Variants in APOBEC3D observed in about 807,000 individuals in gnomAD.
APOBEC3D encodes DNA dC->dU-editing enzyme APOBEC-3D.
APOBEC3D carries 37 observed loss-of-function variants against 45.6 expected under a neutral mutation model. The ratio of observed to expected loss-of-function variants is 0.81; its 90% CI spans 0.62 to 1.07. The LOEUF (loss-of-function observed/expected upper bound fraction) is 1.07. Ranked by LOEUF, APOBEC3D falls within the 50% of genes least tolerant of loss-of-function variation. The pLI is 0.00. For synonymous variants in APOBEC3D, 175 were observed against 180.7 expected, an observed-to-expected ratio of 0.97 and a Z score of 0.25; for missense variants, 496 against 495.3, an observed-to-expected ratio of 1.00 and a Z score of -0.01.
In APOBEC3D at chr22:39,021,445, C is replaced by T. The variant is rs1167628587; in HGVS notation, c.-75C>T. ...AGGAGGGCTGTCCAACTGCAAGGAG[C>T]CGCAAGCAGGAAGTGAAACCACAGC... On this transcript the variant is annotated 5_prime_UTR_variant, in exon 1 of 7. Coordinates refer to ENST00000216099, the MANE Select transcript of APOBEC3D (RefSeq NM_152426.4). 1 of 1,609,304 alleles carries T rather than the reference C, an allele frequency of 6.2e-7. No individual in the cohort carries two copies. Among genetic ancestry groups the T allele is most frequent in the Non-Finnish European group, 8.5e-7 (1 of 1,176,304 alleles).
intron 4 of APOBEC3D, 65 bp downstream of exon 4, chr22:39,025,736 TC>T (rs1569056801): frequency 2.5e-6 from 4 of 1,607,482 alleles, no homozygotes; most frequent in Non-Finnish European, 3.4e-6. Context: ...TCCTGAGGAC[TC>T]CCCTGGCTGG....
intron 2 of APOBEC3D, among the ~76,000 whole-genome samples, chr22:39,023,539 T>C (rs11704329): frequency 0.029 from 4,327 of 151,212 alleles, 115 homozygotes; most frequent in Non-Finnish European, 0.045. Context: ...TTCCGCCTCC[T>C]GGGTTCAAGC....
In APOBEC3D at chr22:39,025,072, G is replaced by GT; in HGVS notation, c.214dup (p.Tyr72LeufsTer5). The GT allele has an allele frequency of 6.3e-7, 1 of 1,578,186 alleles. No individual in the cohort carries two copies. Among genetic ancestry groups the GT allele is most frequent in the Non-Finnish European group, 8.6e-7 (1 of 1,159,918 alleles). ...CCCTGCCCCTGCTCCTCTCCCAGGT[G>GT]TATTTCCGGTTTGAGAACCACGCAG... On this transcript the variant is annotated frameshift_variant, in exon 3 of 7. Coordinates refer to ENST00000216099, the MANE Select transcript of APOBEC3D (RefSeq NM_152426.4). LOFTEE classifies it high-confidence loss of function.
chr22:39,027,169 A>G (rs1376242798), intron 4 of APOBEC3D, among the ~76,000 whole-genome samples: 2 of 152,154 alleles, frequency 1.3e-5, no homozygotes, highest in Non-Finnish European at 2.9e-5. Flanking sequence ...CGGGGACACC[A>G]GCCTCCGCCC....
chr22:39,025,581 T>G lies in APOBEC3D; in HGVS notation c.515T>G (p.Phe172Cys), dbSNP rs139309648. The change falls in exon 4 of 7, where the codon TTT becomes TGT. Residue 172 changes from phenylalanine (F) to cysteine (C), a missense_variant. Physicochemically the swap from Phe to Cys is radical, Grantham distance 205 (BLOSUM62 -2). Coordinates refer to ENST00000216099, the MANE Select transcript of APOBEC3D (RefSeq NM_152426.4). The stretch of plus-strand genomic sequence containing the variant: ...GACTTTGCATACTGCTGGGAAAACT[T>G]TGTGTGCAATGAAGGTCAGCCATTC... ...YEDFAYCWENFVCNEGQPFMP... is the reference protein window; with the variant it reads ...YEDFAYCWENCVCNEGQPFMP... The G allele has an allele frequency of 4.0e-5, 65 of 1,614,084 alleles. No individual in the cohort carries two copies. The highest frequency in any genetic ancestry group is 2.2e-4 in the South Asian group (20 of 91,088).
Position 39,033,234 on chromosome 22 carries a change from A to G in APOBEC3D, c.*918A>G. 3 of 975,966 alleles carry G rather than the reference A, an allele frequency of 3.1e-6. No individual in the cohort carries two copies. In the South Asian group the frequency reaches 1.4e-4, roughly 46 times the overall value. 60.5% of individuals were successfully genotyped at this position (975,966 alleles called of 1,614,324 possible). A position where few individuals can be genotyped will look rare whatever the true frequency, so the allele number is the denominator to read the frequency against. On this transcript the variant is annotated 3_prime_UTR_variant, in exon 7 of 7. Coordinates refer to ENST00000216099, the MANE Select transcript of APOBEC3D (RefSeq NM_152426.4). ...CCTGCCTGAAAATAAATCAATAAATACACTCAACCTAAATGGATATGAATA... is the reference window on the plus strand; with the variant it reads ...CCTGCCTGAAAATAAATCAATAAATGCACTCAACCTAAATGGATATGAATA...
chr22:39,027,442 A>G (rs1400909305), intron 4 of APOBEC3D, among the ~76,000 whole-genome samples: 1 of 152,166 alleles, frequency 6.6e-6, no homozygotes, highest in Admixed American at 6.5e-5. Flanking sequence ...GGCAGGATCC[A>G]GGGGTCCCTC....
intron 2 of APOBEC3D, among the ~76,000 whole-genome samples, chr22:39,023,800 C>T (rs1925363161): frequency 6.6e-6 from 1 of 151,984 alleles, no homozygotes; most frequent in Non-Finnish European, 1.5e-5. Flanking sequence ...TGCTTGACCG[C>T]CCCGGCCACC....
Position 39,029,423 on chromosome 22 carries a change from A to C in APOBEC3D, c.666A>C (p.Lys222Asn). 1 of 1,614,174 alleles carries C rather than the reference A, an allele frequency of 6.2e-7. No individual in the cohort carries two copies. The highest frequency in any genetic ancestry group is 8.5e-7 in the Non-Finnish European group (1 of 1,180,046). ...IFYFHFKNLLKACGRNESWLC... is the reference protein window; with the variant it reads ...IFYFHFKNLLNACGRNESWLC... Reference sequence around the variant, plus strand: ...ACTTCCACTTTAAAAACCTACTGAAAGCCTGTGGTCGGAACGAAAGCTGGC... The same window carrying C: ...ACTTCCACTTTAAAAACCTACTGAACGCCTGTGGTCGGAACGAAAGCTGGC... The change falls in exon 5 of 7, where the codon AAA becomes AAC. Residue 222 changes from lysine to asparagine, a missense_variant. Physicochemically the swap from Lys to Asn is moderately conservative, Grantham distance 94 (BLOSUM62 0). Coordinates refer to ENST00000216099, the MANE Select transcript of APOBEC3D (RefSeq NM_152426.4).
intron 2 of APOBEC3D, among the ~76,000 whole-genome samples, chr22:39,024,669 C>G (rs1242287176): frequency 6.6e-6 from 1 of 152,124 alleles, no homozygotes; most frequent in Non-Finnish European, 1.5e-5. Context: ...ATGCTCCAGA[C>G]AGAGTGGCCT....
At chr22:39,028,752 G>C (rs1222655441) in intron 4 of APOBEC3D, among the ~76,000 whole-genome samples, 2 of 152,162 alleles carry the variant, frequency 1.3e-5, no homozygotes, top group African/African-American at 2.4e-5. Flanking sequence ...TGGCTAACGT[G>C]GTGAAACCCC....
intron 4 of APOBEC3D, among the ~76,000 whole-genome samples, chr22:39,028,027 G>A (rs181447484): frequency 6.9e-4 from 105 of 152,324 alleles, no homozygotes; most frequent in South Asian, 3.1e-3. Flanking sequence ...CAGCACTTTG[G>A]TGGAATTTCT....
Position 39,026,824 on chromosome 22 carries a change from C to A in APOBEC3D, c.605+1153C>A, listed in dbSNP as rs551756111. 4.9e-4 allele frequency among the ~76,000 whole-genome samples: 74 copies of A among 151,878 alleles called. 1 individual carries two copies. The highest frequency in any genetic ancestry group is 1.6e-3 in the African/African-American group (68 of 41,290). Reference sequence around the variant, plus strand: ...CTGGAGTGCTGTGGTGCGATCTCGGCTCACTGCAACCTCTGCCTCCCGGTT... The same window carrying A: ...CTGGAGTGCTGTGGTGCGATCTCGGATCACTGCAACCTCTGCCTCCCGGTT... On this transcript the variant is annotated intron_variant, in intron 4 of 6. Transcript: ENST00000216099.
At chr22:39,021,741 C>T (rs898995897) in intron 1 of APOBEC3D, among the ~76,000 whole-genome samples, 2 of 152,156 alleles carry the variant, frequency 1.3e-5, no homozygotes, top group African/African-American at 4.8e-5. Context: ...CCACCTTCCC[C>T]ACCTGCCACA....
Position 39,032,564 on chromosome 22 carries a change from T to G in APOBEC3D, c.*248T>G. 1 of 1,211,076 alleles carries G rather than the reference T, an allele frequency of 8.3e-7. No individual in the cohort carries two copies. 75.0% of individuals were successfully genotyped at this position (1,211,076 alleles called of 1,614,324 possible). A position where few individuals can be genotyped will look rare whatever the true frequency, so the allele number is the denominator to read the frequency against. ...GCCTGGGTGCCCCTAACTTGACTCT[T>G]CCCATCTCCCCAGCATAACCAAATC... On this transcript the variant is annotated 3_prime_UTR_variant, in exon 7 of 7. Transcript: ENST00000216099.
intron 4 of APOBEC3D, 35 bp from the exon 5 acceptor site, chr22:39,029,328 A>G (rs1925975673): frequency 1.2e-6 from 2 of 1,611,004 alleles, no homozygotes; most frequent in Admixed American, 1.7e-5. Context: ...GCTCCGAGGA[A>G]TCTCTGCACT....
In APOBEC3D at chr22:39,021,414, A is replaced by C; in HGVS notation, c.-106A>C. The C allele has an allele frequency of 6.4e-7, 1 of 1,556,996 alleles. No individual in the cohort carries two copies. The highest frequency in any genetic ancestry group is 2.3e-5 in the East Asian group (1 of 44,132). Reference sequence around the variant, plus strand: ...AGCCACCGTGCCCGGCCGGGAGGTCACTTTAAGGAGGGCTGTCCAACTGCA... The same window carrying C: ...AGCCACCGTGCCCGGCCGGGAGGTCCCTTTAAGGAGGGCTGTCCAACTGCA... On this transcript the variant is annotated 5_prime_UTR_variant, in exon 1 of 7. Transcript: ENST00000216099.
At position 39,032,586 on chromosome 22, in the gene APOBEC3D, A is replaced by C; in HGVS notation, c.*270A>C. On this transcript the variant is annotated 3_prime_UTR_variant, in exon 7 of 7. Coordinates refer to ENST00000216099, the MANE Select transcript of APOBEC3D (RefSeq NM_152426.4). ...TCTTCCCATCTCCCCAGCATAACCA[A>C]ATCTTTTTTTTTTTTTTTTTTTTTT... 9.1e-7 allele frequency: 1 copy of C among 1,099,318 alleles called. No individual in the cohort carries two copies. Among genetic ancestry groups the C allele is most frequent in the Non-Finnish European group, 1.1e-6 (1 of 912,316 alleles). The allele number at this position is 1,099,318 out of a possible 1,614,324, so 68.1% of individuals were successfully genotyped here.
chr22:39,024,947 G>C (rs2146319386), intron 2 of APOBEC3D, 123 bp from the exon 3 acceptor site: 1 of 924,772 alleles, frequency 1.1e-6, no homozygotes, highest in African/African-American at 1.7e-5. Flanking sequence ...GGGGGATGGA[G>C]GAAAGGAGCT....
Sources: gnomAD v4.1 joint callset for allele counts (sites outside exome capture counted in the v4.1 genomes callset) on GRCh38, gnomAD v4.1.1 for gene constraint, MANE v1.5 for transcripts, NCBI Gene and HGNC (gene_info 2026-07-23, HGNC 2026-07-21) for gene names.